The following PLAA variants were observed in gnomAD, a reference collection of about 807,000 sequenced individuals.
PLAA encodes the protein phospholipase A-2-activating protein.
PLAA carries 48 observed loss-of-function variants against 84.1 expected under a neutral mutation model. That is an observed-to-expected ratio of 0.57 (90% CI 0.45 to 0.73). PLAA has a LOEUF of 0.73. Among genes scored for constraint, PLAA ranks in the 30% least tolerant of loss-of-function variants. The pLI is 0.00. For missense variants in PLAA, 903 were observed against 954.7 expected, an observed-to-expected ratio of 0.95 and a Z score of 0.71; for synonymous variants, 392 against 336.6, an observed-to-expected ratio of 1.16 and a Z score of -1.80.
At chr9:26,938,349 A>G (rs1037301462) in intron 1 of PLAA, among the ~76,000 whole-genome samples, 3 of 152,090 alleles carry the variant, frequency 2.0e-5, no homozygotes, top group Non-Finnish European at 4.4e-5. Context: ...CAGCCACTGC[A>G]TTCCAGCCTG....
At position 26,920,262 on chromosome 9, in the gene PLAA, G is replaced by A; in HGVS notation, c.1162C>T (p.Gln388Ter). 1.2e-6 allele frequency: 2 copies of A among 1,613,874 alleles called. No homozygotes were observed. The highest frequency in any genetic ancestry group is 1.7e-6 in the Non-Finnish European group (2 of 1,179,852). Residue 388 changes from glutamine (Q) to a stop codon, truncating the protein, a stop_gained, in exon 8 of 14, where the codon CAG (glutamine) becomes TAG (stop). Transcript: ENST00000397292. LOFTEE classifies it high-confidence loss of function. ...GDVVGSSGAN[Q>*]QTSGKVLYEG... Reference sequence around the variant, plus strand: ...TATAAAACTTTTCCAGATGTTTGCTGATTAGCACCAGATGAGCCAACAACA... The same window carrying A: ...TATAAAACTTTTCCAGATGTTTGCTAATTAGCACCAGATGAGCCAACAACA...
Position 26,905,841 on chromosome 9 carries a change from ATGGGACATCAGTGATTCCCTC to A in PLAA, c.2037_2057del (p.Gln679_Ser685del), listed in dbSNP as rs1177072696. 2 of 1,614,184 alleles carry A rather than the reference ATGGGACATCAGTGATTCCCTC, an allele frequency of 1.2e-6. No individual in the cohort carries two copies. The highest frequency in any genetic ancestry group is 1.1e-5 in the South Asian group (1 of 91,086). On this transcript the variant is annotated inframe_deletion, in exon 14 of 14. Transcript: ENST00000397292. ...TGCTCCCTGATTTCAGTTCTATTGC[ATGGGACATCAGTGATTCCCTC>A]TGGGACATCATGAGTTTTTGTCCTG...
Position 26,905,400 on chromosome 9 carries a change from A to G in PLAA, c.*111T>C. ...TCCCCACCACTTTACAAGATGTAAA[A>G]TTTTACTTAATCCACCGTATTCTCT... is the stretch of plus-strand genomic sequence containing the variant. On this transcript the variant is annotated 3_prime_UTR_variant, in exon 14 of 14. Transcript: ENST00000397292. 2.3e-6 allele frequency: 2 copies of G among 863,308 alleles called. No homozygotes were observed. The highest frequency in any genetic ancestry group is 3.6e-5 in the South Asian group (2 of 54,814). The allele number at this position is 863,308 out of a possible 1,614,324, so 53.5% of individuals were successfully genotyped here.
At chr9:26,916,719 TA>T in intron 10 of PLAA, 43 of 986,278 alleles carry the variant, frequency 4.4e-5, no homozygotes, top group East Asian at 1.1e-4. Context: ...ATTTCACAGA[TA>T]AAAAAAATAG....
chr9:26,917,803 AAAAAAAC>A (rs894506509), intron 9 of PLAA, among the ~76,000 whole-genome samples: 24 of 152,320 alleles, frequency 1.6e-4, no homozygotes, highest in South Asian at 6.2e-4. Flanking sequence ...GTTGTCCACA[AAAAAAAC>A]AAAAAACAAA....
At chr9:26,908,167 C>CTTT (rs375603485) in intron 12 of PLAA, among the ~76,000 whole-genome samples, 169 bp from the exon 13 acceptor site, 1 of 135,068 alleles carries the variant, frequency 7.4e-6, no homozygotes, top group Admixed American at 7.6e-5. Flanking sequence ...TGAGCTTTGT[C>CTTT]TTTTTTTTTT....
intron 12 of PLAA, 41 bp downstream of exon 12, chr9:26,910,297 C>CAGTT (rs1255841871): frequency 3.5e-6 from 5 of 1,426,400 alleles, no homozygotes; most frequent in Non-Finnish European, 4.0e-6. Flanking sequence ...ACATCTCAAA[C>CAGTT]AGTCTGTGAA....
chr9:26,919,651 G>A (rs1241158162), intron 8 of PLAA, 122 bp from the exon 9 acceptor site: 3 of 625,428 alleles, frequency 4.8e-6, no homozygotes, highest in East Asian at 2.6e-5. Flanking sequence ...TCTCCAAAGT[G>A]CAGTGCTAAA....
At chr9:26,918,130 C>A (rs1343151092) in intron 9 of PLAA, among the ~76,000 whole-genome samples, 1 of 151,772 alleles carries the variant, frequency 6.6e-6, no homozygotes, top group African/African-American at 2.4e-5. Flanking sequence ...TGATTTTTTT[C>A]AGACGGAATC....
chr9:26,905,888 C>A lies in PLAA; in HGVS notation c.2011G>T (p.Ala671Ser). Residue 671 changes from alanine to serine, a missense_variant, in exon 14 of 14, where the codon GCA (alanine) becomes TCA (serine). Coordinates refer to ENST00000397292, the MANE Select transcript of PLAA (RefSeq NM_001031689.3). The part of the protein sequence containing the change: ...RTFCNCFVGQ[A>S]GQKLMMSQRE... ...TGGGACATCATGAGTTTTTGTCCTG[C>A]CTGGCCAACAAAACAATTGCAAAAA... The A allele has an allele frequency of 6.2e-7, 1 of 1,614,112 alleles. No homozygotes were observed. Among genetic ancestry groups the A allele is most frequent in the Non-Finnish European group, 8.5e-7 (1 of 1,180,022 alleles).
intron 4 of PLAA, among the ~76,000 whole-genome samples, chr9:26,927,007 G>C (rs1824990751): frequency 6.6e-6 from 1 of 151,944 alleles, no homozygotes; most frequent in African/African-American, 2.4e-5. Context: ...GTTGACTTAA[G>C]AGTAGCTATC....
chr9:26,910,791 G>A (rs1824376455), intron 11 of PLAA, among the ~76,000 whole-genome samples: 3 of 151,804 alleles, frequency 2.0e-5, no homozygotes, highest in Admixed American at 2.0e-4. Context: ...CGAAAGTGCT[G>A]GGATTACAGG....
chr9:26,919,402 A>G lies in PLAA; in HGVS notation c.1325T>C (p.Met442Thr). The part of the protein sequence containing the change: ...NFLQKNDLNP[M>T]FLDQVAKFII... ...AAATTTAGCTACTTGATCCAGAAAC[A>G]TAGGATTCAAATCATTCTTCTGTAA... Residue 442 changes from methionine (M) to threonine (T), a missense_variant, in exon 9 of 14, where the codon ATG (methionine) becomes ACG (threonine). Physicochemically the swap from Met to Thr is moderately conservative, Grantham distance 81 (BLOSUM62 -1). Transcript: ENST00000397292. The G allele has an allele frequency of 1.2e-6, 2 of 1,613,052 alleles. No homozygotes were observed. The highest frequency in any genetic ancestry group is 1.7e-6 in the Non-Finnish European group (2 of 1,179,310).
At chr9:26,906,400 C>T (rs895821624) in intron 13 of PLAA, among the ~76,000 whole-genome samples, 3 of 149,234 alleles carry the variant, frequency 2.0e-5, no homozygotes, top group Admixed American at 6.7e-5. Flanking sequence ...TCTGTAAGAC[C>T]GAACAATTAA....
At chr9:26,926,087 A>T (rs1824948187) in intron 5 of PLAA, 127 bp from the exon 6 acceptor site, 1 of 729,332 alleles carries the variant, frequency 1.4e-6, no homozygotes, top group Non-Finnish European at 2.2e-6. Flanking sequence ...TAAATTTCAT[A>T]TGTTTGTCAC....
rs748947493 is a variant in PLAA, at chr9:26,919,336, T to C, written c.1391A>G (p.Asn464Ser). 6.2e-6 allele frequency: 10 copies of C among 1,610,250 alleles called. No individual in the cohort carries two copies. In the African/African-American group the frequency reaches 1.3e-4, roughly 22 times the overall value. Residue 464 changes from asparagine to serine, a missense_variant, in exon 9 of 14, where the codon AAT (asparagine) becomes AGT (serine). Coordinates refer to ENST00000397292, the MANE Select transcript of PLAA (RefSeq NM_001031689.3). ...NTKGQMLGLG[N>S]PSFSDPFTGG... ...TGTAAATGGATCTGAAAAGCTGGGA[T>C]TCCCAAGTCCCAACATTTGACCTTT...
intron 10 of PLAA, chr9:26,915,654 A>G (rs1418487961): frequency 1.0e-6 from 1 of 958,572 alleles, no homozygotes; most frequent in Non-Finnish European, 1.2e-6. Flanking sequence ...TATTTATACA[A>G]AAGTGTATTC....
In PLAA at chr9:26,903,778, T is replaced by G. The variant is rs984080965; in HGVS notation, c.*1733A>C. ...ATAGTAAAGTTGACATAAAAAAACT[T>G]GCACAGTAATAGGAAGCAGTGTTTA... On this transcript the variant is annotated 3_prime_UTR_variant, in exon 14 of 14. Coordinates refer to ENST00000397292, the MANE Select transcript of PLAA (RefSeq NM_001031689.3). Among the ~76,000 whole-genome samples the G allele has an allele frequency of 6.6e-6, 1 of 152,208 alleles. No individual in the cohort carries two copies. The highest frequency in any genetic ancestry group is 1.9e-4 in the East Asian group (1 of 5,200).
chr9:26,934,528 G>A, intron 2 of PLAA, among the ~76,000 whole-genome samples: 1 of 143,586 alleles, frequency 7.0e-6, no homozygotes, highest in African/African-American at 2.6e-5. Context: ...CACCCAGGCT[G>A]GAGTGCAGTG....
Sources: allele counts gnomAD v4.1 joint callset (sites outside exome capture counted in the v4.1 genomes callset), GRCh38; gene constraint gnomAD v4.1.1; transcripts MANE v1.5; gene names NCBI Gene and HGNC (gene_info 2026-07-23, HGNC 2026-07-21).